The following MPDZ variants were observed in gnomAD, a reference collection of about 807,000 sequenced individuals.
The protein encoded by MPDZ is multiple PDZ domain crumbs cell polarity complex component.
In MPDZ, 234 loss-of-function variants were observed where a neutral mutation model predicts 239.1. The observed-to-expected ratio is 0.98, with a 90% CI of 0.88 to 1.09. MPDZ has a LOEUF of 1.09. MPDZ is among the 50% of genes least tolerant of loss of function. MPDZ has a pLI of 0.00. For synonymous variants in MPDZ, 1,048 were observed against 881.3 expected, an observed-to-expected ratio of 1.19 and a Z score of -3.35; for missense variants, 3,175 against 2,510.0, an observed-to-expected ratio of 1.26 and a Z score of -5.66.
chr9:13,208,214 C>A (rs113839777), intron 10 of MPDZ, among the ~76,000 whole-genome samples: 9 of 152,264 alleles, frequency 5.9e-5, no homozygotes, highest in Admixed American at 1.3e-4. Flanking sequence ...GAGGCTGAGG[C>A]AGAAGGACTG....
At chr9:13,265,188 T>C (rs1230070782) in intron 1 of MPDZ, among the ~76,000 whole-genome samples, 2 of 152,202 alleles carry the variant, frequency 1.3e-5, no homozygotes, top group African/African-American at 4.8e-5. Context: ...TGGCAACAAA[T>C]TCTCCAGGGA....
intron 27 of MPDZ, among the ~76,000 whole-genome samples, chr9:13,143,215 G>A (rs539403885): frequency 6.6e-6 from 1 of 152,132 alleles, no homozygotes; most frequent in African/African-American, 2.4e-5. Context: ...TGAAAGAAAG[G>A]CACTGGACTC....
At chr9:13,109,818 A>G (rs1401568550) in intron 45 of MPDZ, 134 bp downstream of exon 45, 6 of 702,980 alleles carry the variant, frequency 8.5e-6, no homozygotes, top group Non-Finnish European at 1.5e-5. Flanking sequence ...CCTGATATGT[A>G]TAATTCACAC....
At chr9:13,191,046 A>T (rs1168344532) in intron 15 of MPDZ, among the ~76,000 whole-genome samples, 1 of 152,148 alleles carries the variant, frequency 6.6e-6, no homozygotes, top group African/African-American at 2.4e-5. Flanking sequence ...GTTTATGAGG[A>T]TGAAATTCTA....
In MPDZ at chr9:13,176,411, T is replaced by A; in HGVS notation, c.2656A>T (p.Ile886Phe). 1 of 1,565,202 alleles carries A rather than the reference T, an allele frequency of 6.4e-7. No individual in the cohort carries two copies. Among genetic ancestry groups the A allele is most frequent in the Non-Finnish European group, 8.7e-7 (1 of 1,154,426 alleles). The change falls in exon 20 of 47, where the codon ATT (isoleucine) becomes TTT (phenylalanine). Residue 886 changes from isoleucine (I) to phenylalanine (F), a missense_variant. Coordinates refer to ENST00000319217, the MANE Select transcript of MPDZ (RefSeq NM_001378778.1). ...SLPSSPPKDV[I>F]ENSCDPVLDL... is the part of the protein sequence containing the mutation. Reference sequence around the variant, plus strand: ...AGTACTGGATCACAAGAATTTTCAATAACATCCTGGTAGTTAAAAAACAAC... The same window carrying A: ...AGTACTGGATCACAAGAATTTTCAAAAACATCCTGGTAGTTAAAAAACAAC...
At position 13,229,075 on chromosome 9, in the gene MPDZ, G is replaced by A. The variant is rs139272114; in HGVS notation, c.184-4492C>T. On this transcript the variant is annotated intron_variant, in intron 3 of 46. Transcript: ENST00000319217. ...TGCTAGGAGAGCTGTTTCTAGAGTA[G>A]CATCCAAGAAAACATAATTTATCTT... 4.8e-3 allele frequency among the ~76,000 whole-genome samples: 731 copies of A among 152,134 alleles called. 4 individuals are homozygous for A. The highest frequency in any genetic ancestry group is 0.016 in the African/African-American group (649 of 41,510).
intron 12 of MPDZ, among the ~76,000 whole-genome samples, chr9:13,197,422 G>A (rs1236426348): frequency 2.6e-5 from 4 of 151,980 alleles, no homozygotes; most frequent in Non-Finnish European, 5.9e-5. Flanking sequence ...ACCATGCTGA[G>A]CAATTCTAAC....
chr9:13,215,447 A>G (rs1958180875), intron 10 of MPDZ, among the ~76,000 whole-genome samples: 2 of 150,854 alleles, frequency 1.3e-5, no homozygotes, highest in African/African-American at 4.9e-5. Context: ...TGATATATAT[A>G]TATATATCAC....
At position 13,172,418 on chromosome 9, in the gene MPDZ, T is replaced by C. The variant is rs1482976163; in HGVS notation, c.3055+3334A>G. ...TTTTTTTGAGACGAAGTTTTGCTCT[T>C]GTCACCTAGGCTGGAGTGTAGTGGC... On this transcript the variant is annotated intron_variant, in intron 21 of 46. Transcript: ENST00000319217. Among the ~76,000 whole-genome samples the C allele has an allele frequency of 2.0e-5, 3 of 151,172 alleles. No homozygotes were observed. In the Admixed American group the frequency reaches 2.0e-4, roughly 10 times the overall value.
intron 3 of MPDZ, among the ~76,000 whole-genome samples, chr9:13,238,229 G>C (rs1166842849): frequency 6.6e-6 from 1 of 152,198 alleles, no homozygotes; most frequent in Non-Finnish European, 1.5e-5. Flanking sequence ...GACTAGGCAT[G>C]TTCAAAATGG....
chr9:13,195,996 G>A (rs1955594605), intron 13 of MPDZ, 125 bp downstream of exon 13: 3 of 594,778 alleles, frequency 5.0e-6, no homozygotes, highest in South Asian at 5.9e-5. Flanking sequence ...TATTTAGGTT[G>A]TCTAAAAAAG....
At chr9:13,209,505 C>A (rs758308583) in intron 10 of MPDZ, among the ~76,000 whole-genome samples, 4 of 152,144 alleles carry the variant, frequency 2.6e-5, no homozygotes, top group Non-Finnish European at 5.9e-5. Flanking sequence ...ATACAATCTG[C>A]AGCAGAACCC....
intron 10 of MPDZ, among the ~76,000 whole-genome samples, chr9:13,216,500 G>A (rs1269524008): frequency 6.6e-6 from 1 of 151,548 alleles, no homozygotes; most frequent in African/African-American, 2.4e-5. Flanking sequence ...TAATATTAAT[G>A]TAATAAATTC....
intron 38 of MPDZ, chr9:13,120,257 A>C (rs1944136756): frequency 6.6e-6 from 1 of 152,274 alleles, no homozygotes; most frequent in Non-Finnish European, 1.5e-5. Flanking sequence ...ACTATAAAAA[A>C]AAAACCCAAA....
chr9:13,138,139 GCTCT>G lies in MPDZ; in HGVS notation c.4014_4017del (p.Arg1338SerfsTer6). ...AGCTCGCCTGTTAGGGTTCCATAAC[GCTCT>G]CTGATATTTTCTACATACAACAACA... On this transcript the variant is annotated frameshift_variant, in exon 29 of 47. Coordinates refer to ENST00000319217, the MANE Select transcript of MPDZ (RefSeq NM_001378778.1). LOFTEE classifies it high-confidence loss of function. 1 of 1,583,442 alleles carries G rather than the reference GCTCT, an allele frequency of 6.3e-7. No individual in the cohort carries two copies. Among genetic ancestry groups the G allele is most frequent in the Non-Finnish European group, 8.6e-7 (1 of 1,165,158 alleles).
At chr9:13,246,285 T>C (rs949291332) in intron 3 of MPDZ, among the ~76,000 whole-genome samples, 2 of 151,952 alleles carry the variant, frequency 1.3e-5, no homozygotes, top group African/African-American at 4.8e-5. Flanking sequence ...CTACTAAAAA[T>C]ACAAAAATTA....
intron 34 of MPDZ, 26 bp from the exon 35 acceptor site, chr9:13,125,416 A>G (rs576492820): frequency 1.2e-4 from 192 of 1,597,904 alleles, no homozygotes; most frequent in Non-Finnish European, 1.6e-4. Flanking sequence ...TGTGGAAGAG[A>G]AACAAAATTC....
intron 3 of MPDZ, among the ~76,000 whole-genome samples, chr9:13,241,521 C>G (rs975770065): frequency 1.3e-5 from 2 of 152,156 alleles, no homozygotes; most frequent in Admixed American, 6.5e-5. Flanking sequence ...TGATAGCAAG[C>G]ATATAGGTGA....
intron 21 of MPDZ, among the ~76,000 whole-genome samples, chr9:13,173,196 G>A (rs1952012954): frequency 6.6e-6 from 1 of 152,138 alleles, no homozygotes; most frequent in African/African-American, 2.4e-5. Flanking sequence ...GATGGATGGT[G>A]ATGATGGCTA....
Sources: allele counts gnomAD v4.1 joint callset (sites outside exome capture counted in the v4.1 genomes callset), GRCh38; gene constraint gnomAD v4.1.1; transcripts MANE v1.5; gene names NCBI Gene and HGNC (gene_info 2026-07-23, HGNC 2026-07-21).